The following DOCK8 variants were observed in gnomAD, a reference collection of about 807,000 sequenced individuals.
DOCK8 encodes dedicator of cytokinesis protein 8.
DOCK8 carries 141 observed loss-of-function variants against 245.6 expected under a neutral mutation model. That is an observed-to-expected ratio of 0.57 (90% confidence interval 0.50 to 0.66). The LOEUF is 0.66. Ranked by LOEUF, DOCK8 falls within the 30% of genes least tolerant of loss-of-function variation. The pLI, the probability that DOCK8 is intolerant of heterozygous loss-of-function variation, is 0.00. For missense variants in DOCK8, 2,965 were observed against 2,603.4 expected, an observed-to-expected ratio of 1.14 and a Z score of -3.02; for synonymous variants, 1,168 against 970.2, an observed-to-expected ratio of 1.20 and a Z score of -3.79.
chr9:215,007 G>A lies in DOCK8; in HGVS notation c.31G>A (p.Ala11Thr). 6.3e-7 allele frequency: 1 copy of A among 1,593,968 alleles called. No homozygotes were observed. The highest frequency in any genetic ancestry group is 8.5e-7 in the Non-Finnish European group (1 of 1,175,078). MATLPSAERR[A>T]FALKINRYSS... ...CACTCTGCCGAGCGCAGAGCGCCGC[G>A]CGTTCGCGCTCAAGATCAACAGGTA... Residue 11 changes from alanine to threonine, a missense_variant, in exon 1 of 48, where the codon GCG (alanine) becomes ACG (threonine). Ala to Thr is a moderately conservative substitution (Grantham distance 58). Coordinates refer to ENST00000432829, the MANE Select transcript of DOCK8 (RefSeq NM_203447.4).
At chr9:233,101 T>A (rs1394258337) in intron 1 of DOCK8, among the ~76,000 whole-genome samples, 2 of 152,244 alleles carry the variant, frequency 1.3e-5, no homozygotes, top group East Asian at 3.8e-4. Flanking sequence ...GTTGTGTCTT[T>A]GTTCTTGCTG....
Position 426,931 on chromosome 9 carries a change from GC to G in DOCK8, c.4289del (p.Ala1430ValfsTer6). The part of the protein sequence containing the change: ...DQEALISGNL[A>X]TEAHLIILDM... ...AGAAGCCTTGATCAGTGGCAATCTG[GC>G]TACAGAAGCACATTTAATCATCCTG... is the stretch of plus-strand genomic sequence containing the variant. On this transcript the variant is annotated frameshift_variant, in exon 34 of 48. Coordinates refer to ENST00000432829, the MANE Select transcript of DOCK8 (RefSeq NM_203447.4). LOFTEE classifies it high-confidence loss of function. 1 of 1,614,090 alleles carries G rather than the reference GC, an allele frequency of 6.2e-7. No individual in the cohort carries two copies. The highest frequency in any genetic ancestry group is 8.5e-7 in the Non-Finnish European group (1 of 1,180,030).
intron 28 of DOCK8, among the ~76,000 whole-genome samples, chr9:409,995 G>T (rs921157491): frequency 3.9e-5 from 6 of 152,032 alleles, no homozygotes; most frequent in Non-Finnish European, 8.8e-5. Flanking sequence ...GAATAGTGCC[G>T]CAATAAAAGG....
chr9:420,343 A>G, intron 30 of DOCK8, 58 bp from the exon 31 acceptor site: 1 of 1,602,134 alleles, frequency 6.2e-7, no homozygotes, highest in Non-Finnish European at 8.5e-7. Context: ...TAAGCCTCAA[A>G]TTTTTCTGTT....
chr9:285,727 CCT>C (rs1238498309), intron 2 of DOCK8, among the ~76,000 whole-genome samples: 1 of 151,998 alleles, frequency 6.6e-6, no homozygotes, highest in Non-Finnish European at 1.5e-5. Flanking sequence ...TTTTACTCCC[CCT>C]CTTTCCAACT....
intron 29 of DOCK8, among the ~76,000 whole-genome samples, chr9:416,742 T>C (rs535537045): frequency 7.2e-5 from 11 of 152,284 alleles, no homozygotes; most frequent in South Asian, 4.1e-4. Flanking sequence ...CTGTAAACTA[T>C]AAAAATGTGA....
intron 1 of DOCK8, among the ~76,000 whole-genome samples, chr9:242,794 G>C (rs533001831): frequency 1.3e-5 from 2 of 151,516 alleles, no homozygotes; most frequent in Non-Finnish European, 2.9e-5. Flanking sequence ...GGCCTTCCAC[G>C]GAATCTGTTG....
upstream of DOCK8, among the ~76,000 whole-genome samples, chr9:211,835 A>G (rs2046624524): frequency 6.6e-6 from 1 of 152,176 alleles, no homozygotes; most frequent in African/African-American, 2.4e-5. Flanking sequence ...TTTTCCCTCC[A>G]CTGGATGACT....
intron 43 of DOCK8, among the ~76,000 whole-genome samples, chr9:445,235 G>T (rs1162937139): frequency 6.6e-6 from 1 of 152,152 alleles, no homozygotes; most frequent in African/African-American, 2.4e-5. Context: ...CAGCCAAGGT[G>T]CCCTTTTCCC....
At chr9:266,197 G>A (rs1171892602) in intron 1 of DOCK8, among the ~76,000 whole-genome samples, 1 of 152,018 alleles carries the variant, frequency 6.6e-6, no homozygotes, top group Non-Finnish European at 1.5e-5. Flanking sequence ...AATTAGTAAC[G>A]CCTTCCTCTT....
intron 1 of DOCK8, among the ~76,000 whole-genome samples, chr9:248,394 G>C (rs1156709895): frequency 6.6e-6 from 1 of 152,026 alleles, no homozygotes; most frequent in Non-Finnish European, 1.5e-5. Context: ...AACACCATTT[G>C]CCTATGTCAA....
rs10739043 is a variant in DOCK8 at position 439,605 on chromosome 9, A to G, written c.5223+217A>G. ...GAGATAACCTTTCATCACAGTGCCGATCTGAGCTTCACTGTATGCTCATTG... is the reference window on the plus strand; with the variant it reads ...GAGATAACCTTTCATCACAGTGCCGGTCTGAGCTTCACTGTATGCTCATTG... On this transcript the variant is annotated intron_variant, in intron 40 of 47. Transcript: ENST00000432829. Among the ~76,000 whole-genome samples the G allele has an allele frequency of 0.99, 150,791 of 152,338 alleles. 74,631 individuals are homozygous for G. Among genetic ancestry groups the G allele is most frequent in the East Asian group, 1 (5,182 of 5,182 alleles).
intron 37 of DOCK8, among the ~76,000 whole-genome samples, chr9:432,662 C>T (rs1216260788): frequency 1.3e-5 from 2 of 152,084 alleles, no homozygotes; most frequent in East Asian, 3.9e-4. Flanking sequence ...GATCAATAAA[C>T]AATCTGGTGG....
intron 2 of DOCK8, among the ~76,000 whole-genome samples, chr9:282,888 C>G (rs1294878791): frequency 6.6e-6 from 1 of 152,124 alleles, no homozygotes; most frequent in Non-Finnish European, 1.5e-5. Context: ...TTTCCATTGC[C>G]TCTCCTTGAG....
At chr9:412,581 T>C (rs2055791593) in intron 28 of DOCK8, among the ~76,000 whole-genome samples, 3 of 151,960 alleles carry the variant, frequency 2.0e-5, no homozygotes, top group African/African-American at 7.3e-5. Context: ...TGGTATAAGA[T>C]CAACATACAA....
rs753284430 is a variant in DOCK8 at position 304,718 on chromosome 9, A to T, written c.528+14A>T. On this transcript the variant is annotated intron_variant, in intron 5 of 47. Transcript: ENST00000432829. Reference sequence around the variant, plus strand: ...CCCGCTGCTCAGGTATTTCCTGTCAACAAACATGGTTACCAGGTTACTGGG... The same window carrying T: ...CCCGCTGCTCAGGTATTTCCTGTCATCAAACATGGTTACCAGGTTACTGGG... 1 of 1,614,018 alleles carries T rather than the reference A, an allele frequency of 6.2e-7. No homozygotes were observed. The highest frequency in any genetic ancestry group is 1.7e-5 in the Admixed American group (1 of 59,986).
At chr9:311,873 G>A (rs1431627391) in intron 5 of DOCK8, 81 bp from the exon 6 acceptor site, 1 of 1,547,484 alleles carries the variant, frequency 6.5e-7, no homozygotes, top group Non-Finnish European at 8.8e-7. Context: ...AATTGGAGCA[G>A]TCTTGAGACA....
At chr9:391,549 G>T (rs1279315850) in intron 24 of DOCK8, among the ~76,000 whole-genome samples, 1 of 152,106 alleles carries the variant, frequency 6.6e-6, no homozygotes, top group Non-Finnish European at 1.5e-5. Flanking sequence ...TTTAAAATAA[G>T]GGGAATAATA....
At chr9:228,774 G>A (rs2047042009) in intron 1 of DOCK8, among the ~76,000 whole-genome samples, 1 of 152,142 alleles carries the variant, frequency 6.6e-6, no homozygotes, top group Admixed American at 6.5e-5. Context: ...TCTGTGGGTT[G>A]GCAATTTGGG....
Sources: allele counts gnomAD v4.1 joint callset (sites outside exome capture counted in the v4.1 genomes callset), GRCh38; gene constraint gnomAD v4.1.1; transcripts MANE v1.5; gene names NCBI Gene and HGNC (gene_info 2026-07-23, HGNC 2026-07-21).